CLHC1: variants seen among roughly 807,000 people sequenced by gnomAD.
The protein encoded by CLHC1 is clathrin heavy chain linker domain containing 1, also known as clathrin heavy chain linker domain-containing protein 1.
Under a neutral mutation model 69.5 loss-of-function variants are expected in CLHC1, and 72 were observed. The observed-to-expected ratio is 1.04, with a 90% CI of 0.86 to 1.26. The LOEUF (loss-of-function observed/expected upper bound fraction) is 1.26. Ranked by LOEUF, CLHC1 falls within the 50% of genes most tolerant of loss-of-function variation. CLHC1 has a pLI of 0.00. For synonymous variants in CLHC1, 223 were observed against 224.3 expected, an observed-to-expected ratio of 0.99 and a Z score of 0.05; for missense variants, 790 against 679.3, an observed-to-expected ratio of 1.16 and a Z score of -1.81.
chr2:55,224,122 C>T (rs1021090567), intron 2 of CLHC1: 3 of 188,854 alleles, frequency 1.6e-5, no homozygotes, highest in Non-Finnish European at 3.4e-5. Flanking sequence ...TCATTGGTAA[C>T]CCATGCTTCC....
Position 55,195,935 on chromosome 2 carries a change from G to A in CLHC1, c.1006+10335C>T, listed in dbSNP as rs138680706. Among the ~76,000 whole-genome samples, 560 of 152,364 alleles carry A rather than the reference G, an allele frequency of 3.7e-3. 3 individuals are homozygous for A. Among genetic ancestry groups the A allele is most frequent in the Middle Eastern group, 0.031 (9 of 294 alleles). On this transcript the variant is annotated intron_variant, in intron 9 of 12. Coordinates refer to ENST00000401408, the MANE Select transcript of CLHC1 (RefSeq NM_152385.4). Reference sequence around the variant, plus strand: ...GCTTCATGTTACTGAAAGAGGCACTGAAGAGGGTAGAAAGACAGTATTGAA... The same window carrying A: ...GCTTCATGTTACTGAAAGAGGCACTAAAGAGGGTAGAAAGACAGTATTGAA...
chr2:55,193,329 T>C (rs926505000), intron 9 of CLHC1, among the ~76,000 whole-genome samples: 1 of 152,148 alleles, frequency 6.6e-6, no homozygotes, highest in Non-Finnish European at 1.5e-5. Flanking sequence ...GAAACACTTT[T>C]TTTTTTAAAT....
chr2:55,190,203 C>A (rs1670789010), intron 9 of CLHC1, among the ~76,000 whole-genome samples: 1 of 143,228 alleles, frequency 7.0e-6, no homozygotes, highest in South Asian at 2.2e-4. Flanking sequence ...CACCACCACA[C>A]CCGGCTAATT....
intron 9 of CLHC1, among the ~76,000 whole-genome samples, chr2:55,199,805 G>C (rs1214703096): frequency 6.6e-6 from 1 of 151,876 alleles, no homozygotes; most frequent in South Asian, 2.1e-4. Context: ...TTCACTAAAA[G>C]AAAGACAGGA....
At chr2:55,204,039 C>T (rs890407332) in intron 9 of CLHC1, among the ~76,000 whole-genome samples, 2 of 152,266 alleles carry the variant, frequency 1.3e-5, no homozygotes, top group South Asian at 2.1e-4. Context: ...AATCCCAACA[C>T]TTTGGGAGGC....
intron 2 of CLHC1, among the ~76,000 whole-genome samples, chr2:55,226,402 C>A (rs968124909): frequency 2.6e-5 from 4 of 152,038 alleles, no homozygotes; most frequent in African/African-American, 9.7e-5. Context: ...ATAAACCAGA[C>A]AAAATTAATG....
At chr2:55,183,816 C>A (rs1270151949) in intron 9 of CLHC1, among the ~76,000 whole-genome samples, 1 of 152,134 alleles carries the variant, frequency 6.6e-6, no homozygotes, top group Non-Finnish European at 1.5e-5. Flanking sequence ...GAGTCTCGCT[C>A]CGTCGCCAGG....
chr2:55,184,904 C>CAA (rs1292200844), intron 9 of CLHC1, among the ~76,000 whole-genome samples: 1 of 108,356 alleles, frequency 9.2e-6, no homozygotes, highest in Non-Finnish European at 1.9e-5. Context: ...GACTCCATCT[C>CAA]AAAAAAAAAA....
intron 8 of CLHC1, among the ~76,000 whole-genome samples, chr2:55,208,236 T>C (rs750378496): frequency 3.3e-5 from 5 of 152,230 alleles, no homozygotes; most frequent in Non-Finnish European, 7.3e-5. Flanking sequence ...AATATATGCA[T>C]GTACATAATG....
intron 11 of CLHC1, among the ~76,000 whole-genome samples, chr2:55,179,961 T>C (rs1669759225): frequency 6.6e-6 from 1 of 152,142 alleles, no homozygotes; most frequent in Non-Finnish European, 1.5e-5. Flanking sequence ...AAGACCATCC[T>C]GGCTAACACG....
chr2:55,206,173 T>C, intron 9 of CLHC1, 97 bp downstream of exon 9: 1 of 692,876 alleles, frequency 1.4e-6, no homozygotes, highest in Non-Finnish European at 2.5e-6. Context: ...GGCTGGGGCC[T>C]AGATCTTTAG....
In CLHC1 at chr2:55,181,586, A is replaced by G. The variant is rs1669936216; in HGVS notation, c.1165T>C (p.Trp389Arg). 1.9e-6 allele frequency: 3 copies of G among 1,608,646 alleles called. No individual in the cohort carries two copies. The highest frequency in any genetic ancestry group is 1.3e-5 in the African/African-American group (1 of 74,604). ...TTTGCTTACCTTTCCTGTGTAACCC[A>G]ATTGGTAACTAAATCTAACCGTTTT... ...SEKRLDLVTN[W>R]VTQERLTFSE... The change falls in exon 10 of 13, where the codon TGG (tryptophan) becomes CGG (arginine). Residue 389 changes from tryptophan (W) to arginine (R), a missense_variant. Physicochemically the swap from Trp to Arg is moderately radical, Grantham distance 101. Coordinates refer to ENST00000401408, the MANE Select transcript of CLHC1 (RefSeq NM_152385.4).
Position 55,173,094 on chromosome 2 carries a change from T to A in CLHC1, c.*2696A>T, listed in dbSNP as rs1273676490. 6.6e-6 allele frequency among the ~76,000 whole-genome samples: 1 copy of A among 152,188 alleles called. No individual in the cohort carries two copies. The highest frequency in any genetic ancestry group is 1.5e-5 in the Non-Finnish European group (1 of 68,026). ...TAATATGAAATCAGAGAAACTTAGT[T>A]CATCATGACCCTTGCTTTGCAACTG... On this transcript the variant is annotated 3_prime_UTR_variant, in exon 13 of 13. Coordinates refer to ENST00000401408, the MANE Select transcript of CLHC1 (RefSeq NM_152385.4).
chr2:55,224,664 T>G (rs1385550526), intron 2 of CLHC1: 7 of 229,964 alleles, frequency 3.0e-5, no homozygotes, highest in Non-Finnish European at 5.5e-5. Flanking sequence ...ATGGAGGAGC[T>G]GGCGGTCCAG....
intron 1 of CLHC1, among the ~76,000 whole-genome samples, chr2:55,228,561 G>A (rs577913883): frequency 8.9e-4 from 135 of 152,328 alleles, no homozygotes; most frequent in Non-Finnish European, 1.6e-3. Context: ...TCTAGTAAAT[G>A]AGCCACTGCT....
At position 55,207,883 on chromosome 2, in the gene CLHC1, T is replaced by C. The variant is rs186320242; in HGVS notation, c.899+743A>G. On this transcript the variant is annotated intron_variant, in intron 8 of 12. Transcript: ENST00000401408. ...AACATTTTGTTAATGTTATTGTCTGTATTTTTATGTATACTTGAAATATTT... is the reference window on the plus strand; with the variant it reads ...AACATTTTGTTAATGTTATTGTCTGCATTTTTATGTATACTTGAAATATTT... Among the ~76,000 whole-genome samples the C allele has an allele frequency of 2.7e-4, 41 of 152,358 alleles. 1 individual carries two copies. In the East Asian group the frequency reaches 7.1e-3, roughly 27 times the overall value.
chr2:55,208,632 A>T lies in CLHC1; in HGVS notation c.893T>A (p.Ile298Asn), dbSNP rs547802696. The change falls in exon 8 of 13, where the codon ATT becomes AAT. Residue 298 changes from isoleucine (I) to asparagine (N), a missense_variant. Physicochemically the swap from Ile to Asn is moderately radical, Grantham distance 149. Coordinates refer to ENST00000401408, the MANE Select transcript of CLHC1 (RefSeq NM_152385.4). ...AKEAEIMLHY[I>N]ERFNELISLG... ...AAGCTTTTAAAATATTTGCCTTTCA[A>T]TGTAGTGAAGCATAATTTCAGCTTC... is the stretch of plus-strand genomic sequence containing the variant. 6.3e-7 allele frequency: 1 copy of T among 1,597,444 alleles called. No individual in the cohort carries two copies. Among genetic ancestry groups the T allele is most frequent in the Non-Finnish European group, 8.6e-7 (1 of 1,165,710 alleles).
chr2:55,179,468 C>A (rs936037096), intron 11 of CLHC1, among the ~76,000 whole-genome samples: 13 of 152,048 alleles, frequency 8.5e-5, no homozygotes, highest in African/African-American at 3.1e-4. Context: ...AAAAAAACAA[C>A]AACATAGATT....
intron 9 of CLHC1, among the ~76,000 whole-genome samples, chr2:55,190,791 G>A (rs1182449268): frequency 6.6e-6 from 1 of 152,128 alleles, no homozygotes; most frequent in South Asian, 2.1e-4. Flanking sequence ...GGAGAAGGGA[G>A]GCTGGGGCAG....
Sources: allele counts gnomAD v4.1 joint callset (sites outside exome capture counted in the v4.1 genomes callset), GRCh38; gene constraint gnomAD v4.1.1; transcripts MANE v1.5; gene names NCBI Gene and HGNC (gene_info 2026-07-23, HGNC 2026-07-21).